TAOK3: variants seen among roughly 807,000 people sequenced by gnomAD.
TAOK3 encodes the protein serine/threonine-protein kinase TAO3.
In TAOK3, 40 loss-of-function variants were observed where a neutral mutation model predicts 120.4. The observed-to-expected ratio is 0.33, with a 90% CI of 0.26 to 0.43. TAOK3 has a LOEUF of 0.43. TAOK3 is among the 20% of genes least tolerant of loss of function. TAOK3 has a pLI of 1.00. For missense variants in TAOK3, 821 were observed against 1,112.1 expected (o/e 0.74, Z 3.72); for synonymous variants, 355 against 387.5 (o/e 0.92, Z 0.99).
At chr12:118,340,703 A>T (rs1195633065) in intron 1 of TAOK3, among the ~76,000 whole-genome samples, 1 of 151,962 alleles carries the variant, frequency 6.6e-6, no homozygotes, top group African/African-American at 2.4e-5. Flanking sequence ...GCACTCCGTT[A>T]TTTTGAAACA....
intron 11 of TAOK3, among the ~76,000 whole-genome samples, chr12:118,207,955 T>C (rs1333218343): frequency 6.6e-6 from 1 of 152,028 alleles, no homozygotes; most frequent in African/African-American, 2.4e-5. Flanking sequence ...AAAAGAGTTA[T>C]CTGTTCCTAA....
intron 1 of TAOK3, among the ~76,000 whole-genome samples, chr12:118,274,116 C>T (rs2041823146): frequency 6.6e-6 from 1 of 151,206 alleles, no homozygotes; most frequent in African/African-American, 2.4e-5. Flanking sequence ...AGAGAACTGT[C>T]TAAAAAAAAC....
chr12:118,370,210 A>G (rs1253938219), intron 1 of TAOK3, among the ~76,000 whole-genome samples: 3 of 151,992 alleles, frequency 2.0e-5, no homozygotes, highest in African/African-American at 4.8e-5. Flanking sequence ...CAAGCTGCAC[A>G]CTCTCTGAAG....
At chr12:118,238,237 G>C in intron 6 of TAOK3, 68 bp from the exon 7 acceptor site, 1 of 920,122 alleles carries the variant, frequency 1.1e-6, no homozygotes, top group Non-Finnish European at 1.7e-6. Flanking sequence ...ATTTTATACA[G>C]CTATACCAGA....
At chr12:118,202,189 A>T (rs11068869) in intron 11 of TAOK3, among the ~76,000 whole-genome samples, 4,613 of 149,296 alleles carry the variant, frequency 0.031, 204 homozygotes, top group African/African-American at 0.096. Flanking sequence ...TATATAATAA[A>T]ATATTCAGTC....
rs1048224449 is a variant in TAOK3 at position 118,151,287 on chromosome 12, G to A, written c.2536-129C>T. ...AGGCACACACATGAAGTGCGCGCGC[G>A]CGCACACACACACACACACACACAC... is the stretch of plus-strand genomic sequence containing the variant. On this transcript the variant is annotated intron_variant, in intron 20 of 20. Coordinates refer to ENST00000392533, the MANE Select transcript of TAOK3 (RefSeq NM_016281.4). 325 of 477,012 alleles carry A rather than the reference G, an allele frequency of 6.8e-4. No individual in the cohort carries two copies. In the East Asian group the frequency reaches 6.8e-3, roughly 10 times the overall value. 29.5% of individuals were successfully genotyped at this position (477,012 alleles called of 1,614,324 possible). A position where few individuals can be genotyped will look rare whatever the true frequency, so the allele number is the denominator to read the frequency against.
At chr12:118,314,025 C>G (rs2043357458) in intron 1 of TAOK3, among the ~76,000 whole-genome samples, 1 of 152,160 alleles carries the variant, frequency 6.6e-6, no homozygotes. Flanking sequence ...AAGTTTTAGG[C>G]CCTTCCAAGC....
intron 1 of TAOK3, among the ~76,000 whole-genome samples, chr12:118,364,424 T>A (rs906247422): frequency 6.6e-6 from 1 of 152,042 alleles, no homozygotes; most frequent in African/African-American, 2.4e-5. Flanking sequence ...CAGATCTAGG[T>A]CATAGTGGTC....
At chr12:118,198,389 CTTTTTTTTTT>C (rs1048343583) in intron 13 of TAOK3, 3 of 89,014 alleles carry the variant, frequency 3.4e-5, no homozygotes, top group Non-Finnish European at 6.1e-5. Context: ...TCTTCTTCTT[CTTTTTTTTTT>C]TTTTTTTTTT....
chr12:118,335,766 C>T (rs2044344198), intron 1 of TAOK3, among the ~76,000 whole-genome samples: 1 of 152,074 alleles, frequency 6.6e-6, no homozygotes. Flanking sequence ...GAGGCAGAGG[C>T]TGCAGTGAGT....
chr12:118,210,716 A>G (rs1316005273), intron 11 of TAOK3, among the ~76,000 whole-genome samples: 1 of 150,820 alleles, frequency 6.6e-6, no homozygotes, highest in Non-Finnish European at 1.5e-5. Flanking sequence ...GCACTATAAC[A>G]TATATTTATT....
chr12:118,186,894 A>G (rs1465937578), intron 14 of TAOK3, among the ~76,000 whole-genome samples: 1 of 152,194 alleles, frequency 6.6e-6, no homozygotes, highest in Non-Finnish European at 1.5e-5. Flanking sequence ...TAATAAAGAC[A>G]TGTAGCAATA....
chr12:118,196,265 A>C (rs1214498540), intron 13 of TAOK3, among the ~76,000 whole-genome samples: 1 of 152,094 alleles, frequency 6.6e-6, no homozygotes, highest in Non-Finnish European at 1.5e-5. Flanking sequence ...AAATCAGGGC[A>C]TCTTTATTCT....
At position 118,161,699 on chromosome 12, in the gene TAOK3, G is replaced by T; in HGVS notation, c.2139+89C>A. 1 of 1,530,676 alleles carries T rather than the reference G, an allele frequency of 6.5e-7. No individual in the cohort carries two copies. The highest frequency in any genetic ancestry group is 8.9e-7 in the Non-Finnish European group (1 of 1,124,272). 94.8% of individuals were successfully genotyped at this position (1,530,676 alleles called of 1,614,324 possible). On this transcript the variant is annotated intron_variant, in intron 18 of 20. Coordinates refer to ENST00000392533, the MANE Select transcript of TAOK3 (RefSeq NM_016281.4). The surrounding 1 kb of genome is among the most constrained non-coding windows in gnomAD (Gnocchi z 4.5). Reference sequence around the variant, plus strand: ...ATAGGTGTGGGGTGCAGAAATTTGTGATTCTGAAAAGTTGCTCAGGTGACT... The same window carrying T: ...ATAGGTGTGGGGTGCAGAAATTTGTTATTCTGAAAAGTTGCTCAGGTGACT...
chr12:118,155,856 C>T (rs2034784978), intron 19 of TAOK3, among the ~76,000 whole-genome samples: 1 of 152,108 alleles, frequency 6.6e-6, no homozygotes, highest in Non-Finnish European at 1.5e-5. Context: ...CCTGCTTCAG[C>T]CTCCCAAGTT....
intron 8 of TAOK3, among the ~76,000 whole-genome samples, chr12:118,234,553 G>T (rs1365590386): frequency 1.3e-5 from 2 of 151,640 alleles, no homozygotes; most frequent in African/African-American, 2.4e-5. Context: ...GTCTTTTTTT[G>T]TTGTTGTTGT....
chr12:118,222,175 C>T (rs1201105781), intron 9 of TAOK3, among the ~76,000 whole-genome samples: 1 of 152,020 alleles, frequency 6.6e-6, no homozygotes, highest in African/African-American at 2.4e-5. Flanking sequence ...ATGTTTATCA[C>T]AGCCCAATTT....
chr12:118,196,749 A>T (rs771620737), intron 13 of TAOK3, among the ~76,000 whole-genome samples: 2 of 152,196 alleles, frequency 1.3e-5, no homozygotes, highest in Non-Finnish European at 2.9e-5. Flanking sequence ...GTAGAGTATG[A>T]TATTTAATAT....
At chr12:118,364,546 T>C (rs1754822551) in intron 1 of TAOK3, among the ~76,000 whole-genome samples, 1 of 152,200 alleles carries the variant, frequency 6.6e-6, no homozygotes, top group South Asian at 2.1e-4. Context: ...AGGAGCCAGC[T>C]ATGAGATTCA....
Sources: allele counts gnomAD v4.1 joint callset (sites outside exome capture counted in the v4.1 genomes callset), GRCh38; gene constraint gnomAD v4.1.1; non-coding constraint Gnocchi (gnomAD v3.1); transcripts MANE v1.5; gene names NCBI Gene and HGNC (gene_info 2026-07-23, HGNC 2026-07-21).